Variants in WDR3 observed in about 807,000 individuals in gnomAD.
WDR3 encodes the protein WD repeat domain 3.
Under a neutral mutation model 123.7 loss-of-function variants are expected in WDR3, and 81 were observed. The ratio of observed to expected loss-of-function variants is 0.65; its 90% CI spans 0.55 to 0.79. The LOEUF (loss-of-function observed/expected upper bound fraction) is 0.79. Among genes scored for constraint, WDR3 ranks in the 30% least tolerant of loss-of-function variants. The pLI, the probability that WDR3 is intolerant of heterozygous loss-of-function variation, is 0.00. For missense variants in WDR3, 1,027 were observed against 1,123.2 expected, an observed-to-expected ratio of 0.91 and a Z score of 1.22; for synonymous variants, 390 against 388.8, an observed-to-expected ratio of 1.00 and a Z score of -0.04.
chr1:117,954,178 AAC>A (rs1212486388), intron 22 of WDR3, 79 bp downstream of exon 22: 1 of 1,213,300 alleles, frequency 8.2e-7, no homozygotes, highest in Non-Finnish European at 1.2e-6. Context: ...GGGATTTATT[AAC>A]TAAGATCAGG....
At chr1:117,954,514 T>C in intron 22 of WDR3, 66 bp from the exon 23 acceptor site, 1 of 1,443,760 alleles carries the variant, frequency 6.9e-7, no homozygotes, top group South Asian at 1.2e-5. Context: ...GTTACCACTC[T>C]GTCTATAACA....
At chr1:117,945,350 A>G (rs1174699499) in intron 11 of WDR3, among the ~76,000 whole-genome samples, 1 of 152,012 alleles carries the variant, frequency 6.6e-6, no homozygotes, top group Non-Finnish European at 1.5e-5. Flanking sequence ...TATTCCTTCA[A>G]CAGAACAAGA....
intron 3 of WDR3, among the ~76,000 whole-genome samples, chr1:117,936,539 A>G (rs1022028524): frequency 3.3e-5 from 5 of 152,282 alleles, no homozygotes; most frequent in African/African-American, 1.2e-4. Flanking sequence ...TTCTAATAGG[A>G]AAATAACCTG....
intron 8 of WDR3, 24 bp from the exon 9 acceptor site, chr1:117,941,726 C>G: frequency 1.3e-6 from 2 of 1,598,942 alleles, no homozygotes; most frequent in Non-Finnish European, 8.5e-7. Context: ...CTCCTTGACT[C>G]ACATTAACCT....
At chr1:117,958,676 C>G (rs1451770677) in intron 25 of WDR3, among the ~76,000 whole-genome samples, 2 of 151,548 alleles carry the variant, frequency 1.3e-5, no homozygotes, top group Non-Finnish European at 2.9e-5. Context: ...AGAGCCTTTG[C>G]AAATGAGTTG....
In WDR3 at chr1:117,941,111, G is replaced by C; in HGVS notation, c.790-13G>C. ...TTACATCTAACCTTCATCTGCTCTT[G>C]CTTCTTCTGTAGCGAATCCTTTCAT... is the stretch of plus-strand genomic sequence containing the variant. On this transcript the variant is annotated splice_polypyrimidine_tract_variant and intron_variant, in intron 7 of 26. Coordinates refer to ENST00000349139, the MANE Select transcript of WDR3 (RefSeq NM_006784.3). 1 of 1,613,840 alleles carries C rather than the reference G, an allele frequency of 6.2e-7. No individual in the cohort carries two copies. Among genetic ancestry groups the C allele is most frequent in the Non-Finnish European group, 8.5e-7 (1 of 1,179,870 alleles).
intron 26 of WDR3, 129 bp downstream of exon 26, chr1:117,959,132 G>GT (rs1278339018): frequency 7.7e-7 from 1 of 1,301,670 alleles, no homozygotes; most frequent in Non-Finnish European, 1.1e-6. Context: ...GATAGTTTTT[G>GT]TTAGAATTAG....
chr1:117,958,933 G>T lies in WDR3; in HGVS notation c.2606G>T (p.Ser869Ile). The T allele has an allele frequency of 6.2e-7, 1 of 1,613,964 alleles. No homozygotes were observed. The highest frequency in any genetic ancestry group is 8.5e-7 in the Non-Finnish European group (1 of 1,179,928). Reference sequence around the variant, plus strand: ...AGGATTCACTTTGGACAGATCACTAGCAATCAAATGCTTGTGCCAGTGATA... The same window carrying T: ...AGGATTCACTTTGGACAGATCACTATCAATCAAATGCTTGTGCCAGTGATA... ...LLRIHFGQIT[S>I]NQMLVPVIEK... The change falls in exon 26 of 27, where the codon AGC (serine) becomes ATC (isoleucine). Residue 869 changes from serine to isoleucine, a missense_variant. Physicochemically the swap from Ser to Ile is moderately radical, Grantham distance 142. Coordinates refer to ENST00000349139, the MANE Select transcript of WDR3 (RefSeq NM_006784.3).
chr1:117,958,767 CT>C (rs3215666), intron 25 of WDR3, 142 bp from the exon 26 acceptor site: 48,521 of 357,474 alleles, frequency 0.14, 1 homozygote, highest in East Asian at 0.2. Context: ...ACTTCTTTGG[CT>C]TTTTTTTTTT....
At position 117,952,980 on chromosome 1, in the gene WDR3, A is replaced by G. The variant is rs1651693401; in HGVS notation, c.2186A>G (p.Lys729Arg). ...REAEYEESVA[K>R]EDQPAVPGET... ...GCAGAATATGAGGAGAGTGTGGCCA[A>G]AGAAGACCAACCAGCAGTAAGTAAA... Residue 729 changes from lysine (K) to arginine (R), a missense_variant, in exon 20 of 27, where the codon AAA becomes AGA. Coordinates refer to ENST00000349139, the MANE Select transcript of WDR3 (RefSeq NM_006784.3). 1 of 1,613,100 alleles carries G rather than the reference A, an allele frequency of 6.2e-7. No homozygotes were observed. The highest frequency in any genetic ancestry group is 1.3e-5 in the African/African-American group (1 of 74,878).
At chr1:117,931,961 A>G (rs2101188249) in intron 1 of WDR3, among the ~76,000 whole-genome samples, 1 of 152,364 alleles carries the variant, frequency 6.6e-6, no homozygotes, top group Admixed American at 6.5e-5. Context: ...AAGACCCTGT[A>G]GAGTTAAGCC....
At chr1:117,940,587 G>A (rs1395078686) in intron 6 of WDR3, among the ~76,000 whole-genome samples, 3 of 152,092 alleles carry the variant, frequency 2.0e-5, no homozygotes, top group Non-Finnish European at 4.4e-5. Flanking sequence ...AATTAGTCAA[G>A]CACAGTGGTG....
In WDR3 at chr1:117,954,085, G is replaced by A. The variant is rs1203391526; in HGVS notation, c.2347G>A (p.Ala783Thr). ...GAAGGAACACAAAGCCATTTGTAAAGCTGCAGGGAAAGAGGTAATAAGAGA... is the reference window on the plus strand; with the variant it reads ...GAAGGAACACAAAGCCATTTGTAAAACTGCAGGGAAAGAGGTAATAAGAGA... ...KMKEHKAICKAAGKEVPLPSN... is the reference protein window; with the variant it reads ...KMKEHKAICKTAGKEVPLPSN... The change falls in exon 22 of 27, where the codon GCT (alanine) becomes ACT (threonine). Residue 783 changes from alanine (A) to threonine (T), a missense_variant. Ala to Thr is a moderately conservative substitution (Grantham distance 58). Coordinates refer to ENST00000349139, the MANE Select transcript of WDR3 (RefSeq NM_006784.3). 3.1e-6 allele frequency: 5 copies of A among 1,612,188 alleles called. No homozygotes were observed. The highest frequency in any genetic ancestry group is 4.2e-6 in the Non-Finnish European group (5 of 1,178,726).
rs1651024684 is a variant in WDR3 at position 117,938,572 on chromosome 1, C to T, written c.579+14C>T. On this transcript the variant is annotated intron_variant, in intron 5 of 26. Coordinates refer to ENST00000349139, the MANE Select transcript of WDR3 (RefSeq NM_006784.3). ...CACCGGACTGAGGTAAGTGTAGGGTCATGGGCCCAGGGAAATAATGGGAAG... is the reference window on the plus strand; with the variant it reads ...CACCGGACTGAGGTAAGTGTAGGGTTATGGGCCCAGGGAAATAATGGGAAG... 1 of 1,609,370 alleles carries T rather than the reference C, an allele frequency of 6.2e-7. No homozygotes were observed. The highest frequency in any genetic ancestry group is 8.5e-7 in the Non-Finnish European group (1 of 1,177,870).
At position 117,943,429 on chromosome 1, in the gene WDR3, G is replaced by T; in HGVS notation, c.1131G>T (p.Glu377Asp). The change falls in exon 11 of 27, where the codon GAG (glutamate) becomes GAT (aspartate). Residue 377 changes from glutamate to aspartate, a missense_variant. Coordinates refer to ENST00000349139, the MANE Select transcript of WDR3 (RefSeq NM_006784.3). ...SFDLIHSPHGELKAVFLLQNN... is the reference protein window; with the variant it reads ...SFDLIHSPHGDLKAVFLLQNN... ...ACTTGATTCATTCACCTCACGGAGA[G>T]TTAAAGGCTGTCTTCCTGCTGCAGA... 6.2e-7 allele frequency: 1 copy of T among 1,614,102 alleles called. No individual in the cohort carries two copies. The highest frequency in any genetic ancestry group is 8.5e-7 in the Non-Finnish European group (1 of 1,180,016).
intron 5 of WDR3, 107 bp downstream of exon 5, chr1:117,938,665 A>G: frequency 2.2e-6 from 2 of 926,856 alleles, no homozygotes; most frequent in South Asian, 1.7e-5. Flanking sequence ...GCACACAGTA[A>G]TTATCATATG....
chr1:117,959,209 T>G, intron 26 of WDR3, 83 bp from the exon 27 acceptor site: 1 of 1,503,522 alleles, frequency 6.7e-7, no homozygotes. Flanking sequence ...CACCTGAAGC[T>G]TTGGTTACCC....
At position 117,956,318 on chromosome 1, in the gene WDR3, T is replaced by C. The variant is rs1012552507; in HGVS notation, c.2454-750T>C. 2.6e-5 allele frequency among the ~76,000 whole-genome samples: 4 copies of C among 152,188 alleles called. No homozygotes were observed. In the East Asian group the frequency reaches 5.8e-4, roughly 22 times the overall value. On this transcript the variant is annotated intron_variant, in intron 24 of 26. Transcript: ENST00000349139. ...TCATACATTTTTGCAATAATTGTTATATTATTTGTGATTTTCCTTTTGATT... is the reference window on the plus strand; with the variant it reads ...TCATACATTTTTGCAATAATTGTTACATTATTTGTGATTTTCCTTTTGATT...
chr1:117,933,452 G>A lies in WDR3; in HGVS notation c.133G>A (p.Glu45Lys). The A allele has an allele frequency of 1.2e-6, 2 of 1,614,130 alleles. No individual in the cohort carries two copies. Among genetic ancestry groups the A allele is most frequent in the South Asian group, 1.1e-5 (1 of 91,070 alleles). Residue 45 changes from glutamate to lysine, a missense_variant, in exon 2 of 27, where the codon GAA becomes AAA. Glu to Lys is a moderately conservative substitution (Grantham distance 56, BLOSUM62 1). Transcript: ENST00000349139. Reference protein sequence around the residue: ...KGRYVAVPACEHVFIWDLRKG... With the variant: ...KGRYVAVPACKHVFIWDLRKG... ...ACGTTATGTGGCAGTACCAGCTTGTGAACACGTTTTCATCTGGGACTTAAG... is the reference window on the plus strand; with the variant it reads ...ACGTTATGTGGCAGTACCAGCTTGTAAACACGTTTTCATCTGGGACTTAAG...
Sources: gnomAD v4.1 joint callset for allele counts (sites outside exome capture counted in the v4.1 genomes callset) on GRCh38, gnomAD v4.1.1 for gene constraint, MANE v1.5 for transcripts, NCBI Gene and HGNC (gene_info 2026-07-23, HGNC 2026-07-21) for gene names.